USP10: variants seen among roughly 807,000 people sequenced by gnomAD.
USP10 encodes the protein ubiquitin carboxyl-terminal hydrolase 10.
Under a neutral mutation model 84.5 loss-of-function variants are expected in USP10, and 22 were observed. That is an observed-to-expected ratio of 0.26 (90% confidence interval 0.19 to 0.37). The LOEUF is 0.37. Ranked by LOEUF, USP10 falls within the 10% of genes least tolerant of loss-of-function variation. USP10 has a pLI of 1.00. For synonymous variants in USP10, 454 were observed against 387.6 expected (o/e 1.17, Z -2.01); for missense variants, 1,019 against 998.9 (o/e 1.02, Z -0.27).
At chr16:84,704,960 T>C (rs1388932082) in intron 1 of USP10, 7 of 1,505,044 alleles carry the variant, frequency 4.7e-6, no homozygotes, top group African/African-American at 4.1e-5. Context: ...AGAATGTGCA[T>C]GTGGAGTGCG....
intron 1 of USP10, among the ~76,000 whole-genome samples, chr16:84,705,921 C>T (rs1370870178): frequency 6.6e-6 from 1 of 151,872 alleles, no homozygotes. Flanking sequence ...GGGGTTTCAC[C>T]ATGTTAGTCA....
chr16:84,748,459 A>G (rs570557415), intron 4 of USP10, among the ~76,000 whole-genome samples: 363 of 152,054 alleles, frequency 2.4e-3, no homozygotes, highest in African/African-American at 8.3e-3. Context: ...GCCTGGCACC[A>G]CGCCAGGCTA....
At chr16:84,723,005 G>A (rs1382606986) in intron 1 of USP10, among the ~76,000 whole-genome samples, 4 of 152,178 alleles carry the variant, frequency 2.6e-5, no homozygotes, top group Non-Finnish European at 5.9e-5. Flanking sequence ...GAGCAGAAAG[G>A]AGGGACCAAG....
At chr16:84,702,045 CTTTTTTTTTTTTTTTTT>C (rs1168917308) in intron 1 of USP10, among the ~76,000 whole-genome samples, 3 of 42,614 alleles carry the variant, frequency 7.0e-5, no homozygotes, top group Non-Finnish European at 1.2e-4. Flanking sequence ...GAGTTTCGCT[CTTTTTTTTTTTTTTTTT>C]TTTTTTTTTT....
In USP10 at chr16:84,701,458, TTTG is replaced by T. The variant is rs763321860; in HGVS notation, c.21+1350_21+1352del. On this transcript the variant is annotated intron_variant, in intron 1 of 13. Transcript: ENST00000219473. ...TTTTAAGAGATTTGGTGTATTTAGC[TTTG>T]TTTAGACCTTTCTGTTAAAAAAAAA... is the stretch of plus-strand genomic sequence containing the variant. Among the ~76,000 whole-genome samples the T allele has an allele frequency of 1.3e-3, 201 of 152,328 alleles. 2 individuals carry two copies. The highest frequency in any genetic ancestry group is 2.0e-3 in the Non-Finnish European group (135 of 68,024).
chr16:84,702,905 A>G (rs1905069266), intron 1 of USP10, among the ~76,000 whole-genome samples: 1 of 149,554 alleles, frequency 6.7e-6, no homozygotes, highest in African/African-American at 2.5e-5. Context: ...AGGCAGGAGA[A>G]TCGCTTGAAC....
intron 12 of USP10, among the ~76,000 whole-genome samples, chr16:84,774,018 G>C (rs1269512406): frequency 6.6e-6 from 1 of 152,188 alleles, no homozygotes; most frequent in African/African-American, 2.4e-5. Context: ...GGGAGGCCGA[G>C]GCAGGCAGAT....
At position 84,779,617 on chromosome 16, in the gene USP10, T is replaced by G. The variant is rs1397145458; in HGVS notation, c.*535T>G. The G allele has an allele frequency of 6.5e-6, 1 of 153,164 alleles. No individual in the cohort carries two copies. The highest frequency in any genetic ancestry group is 1.5e-5 in the Non-Finnish European group (1 of 68,450). The allele number at this position is 153,164 out of a possible 1,614,324, so 9.5% of individuals were successfully genotyped here. A position where few individuals can be genotyped will look rare whatever the true frequency, so the allele number is the denominator to read the frequency against. ...TGCTGGTTCCTAACAGGAAAAATTT[T>G]AATAATTGTACTGAGAGAAACTGCT... On this transcript the variant is annotated 3_prime_UTR_variant, in exon 14 of 14. Transcript: ENST00000219473.
Position 84,745,380 on chromosome 16 carries a change from A to G in USP10, c.899A>G (p.Asn300Ser), listed in dbSNP as rs377391481. 1.8e-5 allele frequency: 29 copies of G among 1,613,320 alleles called. No individual in the cohort carries two copies. Among genetic ancestry groups the G allele is most frequent in the Admixed American group, 3.3e-5 (2 of 59,998 alleles). ...LESSGEGTAT[N>S]GVELHTTESI... ...TCCTCGGGTGAGGGCACAGCTACCA[A>G]CGGGGTGGAGTTGCACACCACGGAA... Residue 300 changes from asparagine to serine, a missense_variant, in exon 4 of 14, where the codon AAC (asparagine) becomes AGC (serine). Physicochemically the swap from Asn to Ser is conservative, Grantham distance 46 (BLOSUM62 1). This residue lies in a region of USP10 where 787 missense variants were observed against 708.8 expected (regional missense o/e 1.11). Coordinates refer to ENST00000219473, the MANE Select transcript of USP10 (RefSeq NM_005153.3).
chr16:84,762,965 C>T (rs375439886), intron 8 of USP10, 24 bp from the exon 9 acceptor site: 91 of 1,514,020 alleles, frequency 6.0e-5, no homozygotes, highest in Non-Finnish European at 7.7e-5. Flanking sequence ...TTCACAGTAA[C>T]GTGATTATAT....
chr16:84,738,320 T>G (rs1910195239), intron 2 of USP10, among the ~76,000 whole-genome samples: 1 of 152,116 alleles, frequency 6.6e-6, no homozygotes, highest in African/African-American at 2.4e-5. Context: ...AAAAATAGAG[T>G]GATTCAAAAC....
chr16:84,774,661 G>T (rs542636485), intron 12 of USP10, among the ~76,000 whole-genome samples: 1 of 151,916 alleles, frequency 6.6e-6, no homozygotes, highest in Non-Finnish European at 1.5e-5. Context: ...TAATAGAGAC[G>T]TGGTTTCACT....
At position 84,775,293 on chromosome 16, in the gene USP10, G is replaced by C. The variant is rs1914885335; in HGVS notation, c.2209+68G>C. On this transcript the variant is annotated intron_variant, in intron 13 of 13. Coordinates refer to ENST00000219473, the MANE Select transcript of USP10 (RefSeq NM_005153.3). Reference sequence around the variant, plus strand: ...ATGAAGGGGTTTACAGCTGGGCACAGGTTTGCTGCAACTTAGCATAGCGAC... The same window carrying C: ...ATGAAGGGGTTTACAGCTGGGCACACGTTTGCTGCAACTTAGCATAGCGAC... 12 of 1,534,188 alleles carry C rather than the reference G, an allele frequency of 7.8e-6. No homozygotes were observed. In the South Asian group the frequency reaches 1.0e-4, roughly 13 times the overall value.
rs556628733 is a variant in USP10, at chr16:84,710,034, C to G, written c.21+9923C>G. On this transcript the variant is annotated intron_variant, in intron 1 of 13. Coordinates refer to ENST00000219473, the MANE Select transcript of USP10 (RefSeq NM_005153.3). ...CCTGTAATCCCAGCACTTTGGGAGA[C>G]CGAAGTAGACGGATCACTTGAGGTA... 1.9e-3 allele frequency among the ~76,000 whole-genome samples: 294 copies of G among 152,266 alleles called. 1 individual carries two copies. The highest frequency in any genetic ancestry group is 2.5e-3 in the Non-Finnish European group (173 of 68,032).
intron 4 of USP10, among the ~76,000 whole-genome samples, chr16:84,746,068 A>G (rs1034753666): frequency 6.6e-6 from 1 of 152,112 alleles, no homozygotes; most frequent in Admixed American, 6.5e-5. Flanking sequence ...CTTAAGATAC[A>G]AGAAATCATT....
intron 1 of USP10, among the ~76,000 whole-genome samples, chr16:84,705,078 G>A (rs777010626): frequency 2.0e-5 from 3 of 152,060 alleles, no homozygotes; most frequent in African/African-American, 7.2e-5. Flanking sequence ...GTCATTCTTC[G>A]GATCCATTCT....
chr16:84,736,523 A>G (rs1259146957), intron 2 of USP10, among the ~76,000 whole-genome samples: 1 of 152,140 alleles, frequency 6.6e-6, no homozygotes, highest in African/African-American at 2.4e-5. Flanking sequence ...TTTAAAAATT[A>G]TTTTCTCCAG....
At chr16:84,743,673 G>T (rs1407213637) in intron 3 of USP10, among the ~76,000 whole-genome samples, 3 of 152,088 alleles carry the variant, frequency 2.0e-5, no homozygotes, top group Non-Finnish European at 4.4e-5. Context: ...CAAATATAAG[G>T]TGACATTGAT....
In USP10 at chr16:84,759,587, T is replaced by A. The variant is rs908942069; in HGVS notation, c.1394+115T>A. Reference sequence around the variant, plus strand: ...CCTGCAAATGAGTCCTATAATTCTGTCTTTTTTTAAAAATAGACTGTTGGC... The same window carrying A: ...CCTGCAAATGAGTCCTATAATTCTGACTTTTTTTAAAAATAGACTGTTGGC... On this transcript the variant is annotated intron_variant, in intron 6 of 13. Transcript: ENST00000219473. 19 of 1,013,244 alleles carry A rather than the reference T, an allele frequency of 1.9e-5. No homozygotes were observed. The Admixed American group carries it at 4.1e-4, about 22-fold the overall frequency. The allele number at this position is 1,013,244 out of a possible 1,614,324, so 62.8% of individuals were successfully genotyped here.
Sources: gnomAD v4.1 joint callset for allele counts (sites outside exome capture counted in the v4.1 genomes callset) on GRCh38, gnomAD v4.1.1 for gene constraint, gnomAD v4.1.1 regional missense constraint, MANE v1.5 for transcripts, NCBI Gene and HGNC (gene_info 2026-07-23, HGNC 2026-07-21) for gene names.